The following DIP2C variants were observed in gnomAD, a reference collection of about 807,000 sequenced individuals.
DIP2C encodes DIP2 acetate--CoA ligase C (putative).
Under a neutral mutation model 192.4 loss-of-function variants are expected in DIP2C, and 33 were observed. The observed-to-expected ratio is 0.17, with a 90% CI of 0.13 to 0.23. DIP2C has a LOEUF of 0.23. DIP2C is among the 10% of genes least tolerant of loss of function. DIP2C has a pLI of 1.00. For synonymous variants in DIP2C, 979 were observed against 864.1 expected (o/e 1.13, Z -2.33); for missense variants, 1,537 against 2,110.1 (o/e 0.73, Z 5.32).
chr10:320,503 C>T (rs1055763859), intron 31 of DIP2C, among the ~76,000 whole-genome samples: 2 of 139,702 alleles, frequency 1.4e-5, no homozygotes, highest in Non-Finnish European at 3.0e-5. Context: ...AGCAAGACTC[C>T]GTCTCAAAAA....
At chr10:577,158 C>T (rs1850217109) in intron 1 of DIP2C, among the ~76,000 whole-genome samples, 3 of 152,184 alleles carry the variant, frequency 2.0e-5, no homozygotes, top group Non-Finnish European at 4.4e-5. Flanking sequence ...ATGGCTGCAT[C>T]CTACTGCAAT....
chr10:371,776 A>G (rs1020314675), intron 17 of DIP2C, among the ~76,000 whole-genome samples: 20 of 152,086 alleles, frequency 1.3e-4, no homozygotes, highest in Non-Finnish European at 2.8e-4. Flanking sequence ...CAGCACGTCC[A>G]GACGCCCAGC....
chr10:579,216 C>T (rs1391162850), intron 1 of DIP2C, among the ~76,000 whole-genome samples: 1 of 151,768 alleles, frequency 6.6e-6, no homozygotes, highest in African/African-American at 2.4e-5. Context: ...ATACACACAT[C>T]CAGATCCATT....
At chr10:301,789 A>G (rs1172566454) in intron 32 of DIP2C, among the ~76,000 whole-genome samples, 2 of 152,160 alleles carry the variant, frequency 1.3e-5, no homozygotes, top group African/African-American at 4.8e-5. Context: ...CTCCTTTCAC[A>G]CACACACCTG....
At chr10:543,962 T>C (rs1347208369) in intron 1 of DIP2C, among the ~76,000 whole-genome samples, 1 of 152,274 alleles carries the variant, frequency 6.6e-6, no homozygotes, top group Non-Finnish European at 1.5e-5. Context: ...TCTGTTTCTC[T>C]GGATTTGCCC....
At chr10:675,718 C>G (rs942005077) in intron 1 of DIP2C, among the ~76,000 whole-genome samples, 2 of 151,964 alleles carry the variant, frequency 1.3e-5, no homozygotes, top group Non-Finnish European at 2.9e-5. Context: ...AAGACGGAAC[C>G]AAGAAGAAAC....
chr10:657,240 G>C lies in DIP2C; in HGVS notation c.85+32254C>G, dbSNP rs1442942436. Among the ~76,000 whole-genome samples the C allele has an allele frequency of 7.5e-3, 473 of 63,238 alleles. 3 individuals are homozygous for C. The highest frequency in any genetic ancestry group is 0.027 in the African/African-American group (433 of 15,966). 41.5% of individuals were successfully genotyped at this position (63,238 alleles called of 152,430 possible). The stretch of plus-strand genomic sequence containing the variant: ...CCCTGGACCTGCCCCTGGACCTGCC[G>C]CTGGACCTGATGCTGGACCTGTCCC... On this transcript the variant is annotated intron_variant, in intron 1 of 36. Coordinates refer to ENST00000280886, the MANE Select transcript of DIP2C (RefSeq NM_014974.3).
chr10:334,982 G>A (rs955142925), intron 29 of DIP2C, among the ~76,000 whole-genome samples: 3 of 152,170 alleles, frequency 2.0e-5, no homozygotes, highest in Admixed American at 2.0e-4. Context: ...AAAATAGCCT[G>A]CCAAGATTTT....
intron 3 of DIP2C, among the ~76,000 whole-genome samples, chr10:459,710 C>T (rs1319931751): frequency 6.7e-6 from 1 of 150,172 alleles, no homozygotes; most frequent in Admixed American, 6.6e-5. Context: ...GATCTTCCCA[C>T]AATCACATCA....
intron 3 of DIP2C, among the ~76,000 whole-genome samples, chr10:460,171 C>G (rs1406611873): frequency 6.6e-6 from 1 of 152,216 alleles, no homozygotes; most frequent in Non-Finnish European, 1.5e-5. Flanking sequence ...GGATCTTCCT[C>G]TCCCAGTCTT....
At chr10:487,344 C>G (rs1021301277) in intron 1 of DIP2C, among the ~76,000 whole-genome samples, 2 of 152,118 alleles carry the variant, frequency 1.3e-5, no homozygotes, top group Non-Finnish European at 2.9e-5. Context: ...AAAAATATAG[C>G]AAATGAATGA....
chr10:370,146 A>G (rs1220755221), intron 17 of DIP2C: 1 of 698,688 alleles, frequency 1.4e-6, no homozygotes, highest in Non-Finnish European at 1.8e-6. Flanking sequence ...CAATTTTATA[A>G]GAATCTAAAA....
chr10:480,465 A>G (rs192595602), intron 2 of DIP2C, among the ~76,000 whole-genome samples: 1 of 152,178 alleles, frequency 6.6e-6, no homozygotes, highest in Non-Finnish European at 1.5e-5. Context: ...GTCCATGCTC[A>G]CTGGATGACG....
chr10:409,900 A>T (rs1312635275), intron 8 of DIP2C, among the ~76,000 whole-genome samples: 1 of 152,224 alleles, frequency 6.6e-6, no homozygotes, highest in Non-Finnish European at 1.5e-5. Context: ...GCCTTTTACA[A>T]CCTAGTCTCA....
intron 1 of DIP2C, among the ~76,000 whole-genome samples, chr10:639,221 A>C (rs1447035648): frequency 1.8e-4 from 24 of 130,976 alleles, no homozygotes; most frequent in South Asian, 5.2e-4. Flanking sequence ...TGCCCGGCTC[A>C]CGGTCCACAC....
At chr10:603,320 A>AAAAAAAAAAAAAACC (rs1564255363) in intron 1 of DIP2C, among the ~76,000 whole-genome samples, 1 of 139,226 alleles carries the variant, frequency 7.2e-6, no homozygotes, top group African/African-American at 3.0e-5. Context: ...AAAAAAAAAA[A>AAAAAAAAAAAAAACC]AAAAAAAAAA....
intron 1 of DIP2C, among the ~76,000 whole-genome samples, chr10:503,675 C>T (rs1845401906): frequency 6.6e-6 from 1 of 152,212 alleles, no homozygotes; most frequent in African/African-American, 2.4e-5. Context: ...CAGCAATATT[C>T]CTTCGGCTCT....
intron 1 of DIP2C, among the ~76,000 whole-genome samples, chr10:497,545 C>T (rs763326411): frequency 6.6e-6 from 1 of 152,190 alleles, no homozygotes; most frequent in Admixed American, 6.5e-5. Flanking sequence ...GCTGCGGCAA[C>T]GAGCTCAAGA....
chr10:662,453 G>A (rs1209151432), intron 1 of DIP2C, among the ~76,000 whole-genome samples: 3 of 152,226 alleles, frequency 2.0e-5, no homozygotes, highest in Non-Finnish European at 2.9e-5. Flanking sequence ...CGCACAGGCA[G>A]GCACAGGCTG....
Sources: gnomAD v4.1 joint callset for allele counts (sites outside exome capture counted in the v4.1 genomes callset) on GRCh38, gnomAD v4.1.1 for gene constraint, MANE v1.5 for transcripts, NCBI Gene and HGNC (gene_info 2026-07-23, HGNC 2026-07-21) for gene names.